TMOD2: variants seen among roughly 807,000 people sequenced by gnomAD.
TMOD2 encodes the protein tropomodulin-2.
TMOD2 carries 22 observed loss-of-function variants against 39.9 expected under a neutral mutation model. The observed-to-expected ratio is 0.55, with a 90% confidence interval of 0.39 to 0.79. TMOD2 has a LOEUF of 0.79. TMOD2 is among the 30% of genes least tolerant of loss of function. The pLI is 0.00. For synonymous variants in TMOD2, 123 were observed against 146.1 expected (o/e 0.84, Z 1.14); for missense variants, 386 against 413.3 (o/e 0.93, Z 0.57).
chr15:51,813,109 T>C lies in TMOD2; in HGVS notation c.*4655T>C, dbSNP rs2056166678. 1 of 152,174 alleles carries C rather than the reference T, an allele frequency of 6.6e-6. No individual in the cohort carries two copies. The highest frequency in any genetic ancestry group is 2.1e-4 in the South Asian group (1 of 4,824). The allele number at this position is 152,174 out of a possible 1,614,324, so 9.4% of individuals were successfully genotyped here. Reference sequence around the variant, plus strand: ...TATTGCTCCCTAACCCTAGATCAGATTGGATTTTACTTTGTAGTTCAGGAG... The same window carrying C: ...TATTGCTCCCTAACCCTAGATCAGACTGGATTTTACTTTGTAGTTCAGGAG... On this transcript the variant is annotated 3_prime_UTR_variant, in exon 10 of 10. Transcript: ENST00000249700.
intron 7 of TMOD2, 133 bp from the exon 8 acceptor site, chr15:51,798,064 A>G (rs547361749): frequency 1.4e-6 from 1 of 705,276 alleles, no homozygotes; most frequent in African/African-American, 1.9e-5. Context: ...TTGGAGGTGA[A>G]AGTATGATTT....
intron 1 of TMOD2, among the ~76,000 whole-genome samples, chr15:51,760,685 A>G (rs942857149): frequency 6.6e-6 from 1 of 152,196 alleles, no homozygotes; most frequent in Non-Finnish European, 1.5e-5. Context: ...GCATGCCTGT[A>G]ATCGCAGCTA....
chr15:51,811,998 GT>G lies in TMOD2; in HGVS notation c.*3545del, dbSNP rs1388225528. The G allele has an allele frequency of 2.0e-5, 3 of 152,038 alleles. No individual in the cohort carries two copies. Among genetic ancestry groups the G allele is most frequent in the African/African-American group, 7.3e-5 (3 of 41,370 alleles). The allele number at this position is 152,038 out of a possible 1,614,324, so 9.4% of individuals were successfully genotyped here. A position where few individuals can be genotyped will look rare whatever the true frequency, so the allele number is the denominator to read the frequency against. On this transcript the variant is annotated 3_prime_UTR_variant, in exon 10 of 10. Transcript: ENST00000249700. ...GATGAAGCCCCTTTCTTCCATCTTT[GT>G]AGGGCACATTGTATATAAATATTTT...
intron 1 of TMOD2, among the ~76,000 whole-genome samples, chr15:51,761,579 A>T (rs527791909): frequency 6.6e-6 from 1 of 151,386 alleles, no homozygotes; most frequent in Non-Finnish European, 1.5e-5. Flanking sequence ...AGAAAAAAAA[A>T]TTTAATTAGC....
In TMOD2 at chr15:51,798,350, G is replaced by C; in HGVS notation, c.876+10G>C. On this transcript the variant is annotated intron_variant, in intron 8 of 9. Coordinates refer to ENST00000249700, the MANE Select transcript of TMOD2 (RefSeq NM_014548.4). Reference sequence around the variant, plus strand: ...CAAGATTGACAACCAGGTAAGGAAGGCCAGAGAATAGGCAAAGTCAACTCA... The same window carrying C: ...CAAGATTGACAACCAGGTAAGGAAGCCCAGAGAATAGGCAAAGTCAACTCA... 1 of 1,612,980 alleles carries C rather than the reference G, an allele frequency of 6.2e-7. No homozygotes were observed.
At chr15:51,786,556 A>G (rs1023744910) in intron 7 of TMOD2, among the ~76,000 whole-genome samples, 1 of 152,314 alleles carries the variant, frequency 6.6e-6, no homozygotes, top group African/African-American at 2.4e-5. Context: ...AACACAAGCC[A>G]TTTTACAGAT....
chr15:51,808,750 G>T lies in TMOD2; in HGVS notation c.*296G>T. 3.5e-6 allele frequency: 1 copy of T among 282,628 alleles called. No individual in the cohort carries two copies. Among genetic ancestry groups the T allele is most frequent in the Admixed American group, 5.0e-5 (1 of 19,852 alleles). The allele number at this position is 282,628 out of a possible 1,614,324, so 17.5% of individuals were successfully genotyped here. On this transcript the variant is annotated 3_prime_UTR_variant, in exon 10 of 10. Coordinates refer to ENST00000249700, the MANE Select transcript of TMOD2 (RefSeq NM_014548.4). ...AACCACTTTCTTATTGGGTTGTCTTGCTTTCTTACATGAACTTGTTTTTTT... is the reference window on the plus strand; with the variant it reads ...AACCACTTTCTTATTGGGTTGTCTTTCTTTCTTACATGAACTTGTTTTTTT...
At chr15:51,761,219 G>A (rs1367516496) in intron 1 of TMOD2, among the ~76,000 whole-genome samples, 2 of 151,480 alleles carry the variant, frequency 1.3e-5, no homozygotes, top group Non-Finnish European at 2.9e-5. Context: ...GGAACAAAAG[G>A]CTGAAACAAG....
chr15:51,756,445 C>G (rs1246933713), intron 1 of TMOD2: 1 of 152,238 alleles, frequency 6.6e-6, no homozygotes, highest in Non-Finnish European at 1.5e-5. Context: ...ACATGGTCAC[C>G]TTAAGTGTCA....
intron 8 of TMOD2, among the ~76,000 whole-genome samples, chr15:51,800,691 C>CT (rs972239936): frequency 1.1e-4 from 17 of 151,896 alleles, no homozygotes; most frequent in East Asian, 9.7e-4. Context: ...CTCTTTATTT[C>CT]TTTTTTTTGT....
At position 51,762,300 on chromosome 15, in the gene TMOD2, TAAAAA is replaced by T. The variant is rs375164029; in HGVS notation, c.-69-4067_-69-4063del. 1.5e-3 allele frequency among the ~76,000 whole-genome samples: 216 copies of T among 146,074 alleles called. 2 individuals carry two copies. Among genetic ancestry groups the T allele is most frequent in the East Asian group, 0.012 (58 of 4,990 alleles). ...AGTGAGATCCTGTATCTTCAAAAAATAAAAAAAAAATAGCCCGGCATGGTGGTGCA... is the reference window on the plus strand; with the variant it reads ...AGTGAGATCCTGTATCTTCAAAAAATAAAAATAGCCCGGCATGGTGGTGCA... On this transcript the variant is annotated intron_variant, in intron 1 of 9. Transcript: ENST00000249700.
intron 5 of TMOD2, 92 bp from the exon 6 acceptor site, chr15:51,780,950 TCA>T: frequency 1.0e-6 from 1 of 988,012 alleles, no homozygotes; most frequent in Admixed American, 2.7e-5. Flanking sequence ...GTTATTGGAA[TCA>T]GCATATGAAA....
chr15:51,759,154 G>A (rs2055762220), intron 1 of TMOD2, among the ~76,000 whole-genome samples: 1 of 152,178 alleles, frequency 6.6e-6, no homozygotes, highest in African/African-American at 2.4e-5. Context: ...GGTAAGGACA[G>A]GATTTGGTGA....
At chr15:51,773,684 A>G (rs1227864815) in intron 3 of TMOD2, 28 bp from the exon 4 acceptor site, 2 of 1,587,972 alleles carry the variant, frequency 1.3e-6, no homozygotes, top group Non-Finnish European at 8.5e-7. Flanking sequence ...GTAGTACTCA[A>G]TATTTTTGTT....
At chr15:51,793,676 C>G (rs1009573768) in intron 7 of TMOD2, among the ~76,000 whole-genome samples, 3 of 152,142 alleles carry the variant, frequency 2.0e-5, no homozygotes, top group African/African-American at 7.2e-5. Context: ...GGCCTACAGC[C>G]CAGTATTGTG....
chr15:51,799,741 A>T (rs896412375), intron 8 of TMOD2, among the ~76,000 whole-genome samples: 26 of 152,212 alleles, frequency 1.7e-4, no homozygotes, highest in African/African-American at 5.5e-4. Context: ...GAGTAAGGAA[A>T]CAAGCCAGAG....
chr15:51,757,341 G>T (rs932205370), intron 1 of TMOD2, among the ~76,000 whole-genome samples: 3 of 143,790 alleles, frequency 2.1e-5, no homozygotes, highest in South Asian at 2.2e-4. Flanking sequence ...GGCAGAGCTT[G>T]CAGTGAACGG....
intron 1 of TMOD2, among the ~76,000 whole-genome samples, chr15:51,760,401 CA>C (rs1567234658): frequency 1.3e-5 from 2 of 152,098 alleles, no homozygotes; most frequent in Non-Finnish European, 2.9e-5. Flanking sequence ...ATCTTCAAAG[CA>C]AAAAAATTGC....
In TMOD2 at chr15:51,800,909, T is replaced by G. The variant is rs542851466; in HGVS notation, c.876+2569T>G. Reference sequence around the variant, plus strand: ...TTGTAGAGACAGGGTCTCACTATATTTCCCAGGTTGTTCTCAAACTCCTGG... The same window carrying G: ...TTGTAGAGACAGGGTCTCACTATATGTCCCAGGTTGTTCTCAAACTCCTGG... On this transcript the variant is annotated intron_variant, in intron 8 of 9. Transcript: ENST00000249700. 1.8e-3 allele frequency among the ~76,000 whole-genome samples: 269 copies of G among 152,296 alleles called. 2 individuals carry two copies. Among genetic ancestry groups the G allele is most frequent in the Non-Finnish European group, 1.5e-3 (99 of 68,026 alleles).
Sources: allele counts gnomAD v4.1 joint callset (sites outside exome capture counted in the v4.1 genomes callset), GRCh38; gene constraint gnomAD v4.1.1; transcripts MANE v1.5; gene names NCBI Gene and HGNC (gene_info 2026-07-23, HGNC 2026-07-21).